KCNJ3: variants seen among roughly 807,000 people sequenced by gnomAD.
The protein encoded by KCNJ3 is potassium inwardly rectifying channel subfamily J member 3.
KCNJ3 carries 4 observed loss-of-function variants against 39.2 expected under a neutral mutation model. That is an observed-to-expected ratio of 0.10 (90% CI 0.05 to 0.23). KCNJ3 has a LOEUF of 0.23. KCNJ3 is among the 10% of genes least tolerant of loss of function. The pLI is 1.00. For missense variants in KCNJ3, 276 were observed against 634.9 expected (o/e 0.43, Z 6.08); for synonymous variants, 230 against 237.4 (o/e 0.97, Z 0.29).
chr2:154,826,423 C>G (rs541317190), intron 2 of KCNJ3, among the ~76,000 whole-genome samples: 1 of 152,104 alleles, frequency 6.6e-6, no homozygotes, highest in African/African-American at 2.4e-5. Flanking sequence ...TTTCCTGTTA[C>G]TTGTATAAAA....
intron 2 of KCNJ3, among the ~76,000 whole-genome samples, chr2:154,792,410 C>T (rs772360381): frequency 6.6e-6 from 1 of 152,110 alleles, no homozygotes; most frequent in Non-Finnish European, 1.5e-5. Context: ...GGAATCAGCA[C>T]TAACTGATTA....
At chr2:154,769,420 C>A (rs113478697) in intron 2 of KCNJ3, among the ~76,000 whole-genome samples, 15,352 of 152,100 alleles carry the variant, frequency 0.1, 842 homozygotes, top group East Asian at 0.19. Flanking sequence ...TTTTTGAAGG[C>A]CTTTTCTGCA....
At chr2:154,782,764 C>T (rs1427432282) in intron 2 of KCNJ3, among the ~76,000 whole-genome samples, 1 of 152,126 alleles carries the variant, frequency 6.6e-6, no homozygotes, top group African/African-American at 2.4e-5. Flanking sequence ...CTATCCCTAC[C>T]TTGTTTATTT....
At chr2:154,811,640 A>G (rs1369756915) in intron 2 of KCNJ3, among the ~76,000 whole-genome samples, 3 of 152,076 alleles carry the variant, frequency 2.0e-5, no homozygotes, top group South Asian at 2.1e-4. Flanking sequence ...GTTTGTCCCT[A>G]TCAATTCATG....
chr2:154,783,796 G>T (rs1249990478), intron 2 of KCNJ3, among the ~76,000 whole-genome samples: 1 of 152,036 alleles, frequency 6.6e-6, no homozygotes, highest in Non-Finnish European at 1.5e-5. Context: ...AAACTCAATG[G>T]CAACTGTTTC....
At chr2:154,848,079 TAAC>T (rs1687690672) in intron 2 of KCNJ3, among the ~76,000 whole-genome samples, 1 of 152,194 alleles carries the variant, frequency 6.6e-6, no homozygotes, top group Non-Finnish European at 1.5e-5. Flanking sequence ...ATTTACTTAA[TAAC>T]AACTCAAATA....
intron 2 of KCNJ3, among the ~76,000 whole-genome samples, chr2:154,848,741 C>A (rs1014858155): frequency 6.6e-6 from 1 of 152,116 alleles, no homozygotes; most frequent in Non-Finnish European, 1.5e-5. Context: ...AGGCAAAGCA[C>A]CATTCCAAAG....
intron 2 of KCNJ3, among the ~76,000 whole-genome samples, chr2:154,756,397 G>A (rs1177519488): frequency 6.6e-6 from 1 of 152,108 alleles, no homozygotes; most frequent in African/African-American, 2.4e-5. Context: ...GTAATTTAGT[G>A]AATATCAGAT....
intron 2 of KCNJ3, among the ~76,000 whole-genome samples, chr2:154,790,987 A>G (rs185101803): frequency 5.2e-4 from 79 of 152,192 alleles, no homozygotes; most frequent in Non-Finnish European, 1.0e-3. Context: ...CTTTCTTCTT[A>G]TCATCGCATT....
intron 2 of KCNJ3, among the ~76,000 whole-genome samples, chr2:154,729,760 TGAATAA>T (rs1229243418): frequency 1.3e-5 from 2 of 151,960 alleles, no homozygotes; most frequent in African/African-American, 4.8e-5. Context: ...AAAAACAGAG[TGAATAA>T]GAATAATGTT....
At chr2:154,840,572 G>A (rs1283954213) in intron 2 of KCNJ3, among the ~76,000 whole-genome samples, 1 of 152,176 alleles carries the variant, frequency 6.6e-6, no homozygotes, top group Non-Finnish European at 1.5e-5. Context: ...CCATGAGCAT[G>A]GAATATTCTT....
chr2:154,850,008 CTTTTTTTTTTTTTT>C (rs373062062), intron 2 of KCNJ3, among the ~76,000 whole-genome samples: 25 of 48,862 alleles, frequency 5.1e-4, no homozygotes, highest in South Asian at 3.2e-3. Flanking sequence ...CAGAATAAAT[CTTTTTTTTTTTTTT>C]TTTTTTTTTT....
At chr2:154,722,130 A>T (rs1574434777) in intron 2 of KCNJ3, among the ~76,000 whole-genome samples, 5 of 148,716 alleles carry the variant, frequency 3.4e-5, no homozygotes, top group Non-Finnish European at 7.5e-5. Context: ...AACTACAAAG[A>T]TTTTTTTTTT....
At chr2:154,725,124 C>G (rs1685331180) in intron 2 of KCNJ3, among the ~76,000 whole-genome samples, 1 of 151,168 alleles carries the variant, frequency 6.6e-6, no homozygotes, top group Admixed American at 6.6e-5. Context: ...ATAATATCAA[C>G]TCCAGCCTAT....
At chr2:154,724,307 C>T (rs1479230671) in intron 2 of KCNJ3, among the ~76,000 whole-genome samples, 2 of 151,868 alleles carry the variant, frequency 1.3e-5, no homozygotes, top group Admixed American at 1.3e-4. Flanking sequence ...TAAGGTTAAT[C>T]GAGGACCATT....
rs533392443 is a variant in KCNJ3 at position 154,724,001 on chromosome 2, C to T, written c.919+14182C>T. On this transcript the variant is annotated intron_variant, in intron 2 of 2. Transcript: ENST00000295101. ...ATCACCCAATTATACATTTGTATTT[C>T]GTAATTTAAAATTAAATTCTAGAGA... 7.2e-4 allele frequency among the ~76,000 whole-genome samples: 110 copies of T among 152,108 alleles called. 1 individual carries two copies. Among genetic ancestry groups the T allele is most frequent in the African/African-American group, 2.5e-3 (104 of 41,524 alleles).
At chr2:154,822,714 A>C (rs756704802) in intron 2 of KCNJ3, among the ~76,000 whole-genome samples, 2 of 152,026 alleles carry the variant, frequency 1.3e-5, no homozygotes. Context: ...AGATATTTTT[A>C]AATATATAAT....
chr2:154,768,898 T>C (rs1184778529), intron 2 of KCNJ3, among the ~76,000 whole-genome samples: 2 of 152,198 alleles, frequency 1.3e-5, no homozygotes, highest in Non-Finnish European at 2.9e-5. Context: ...GAAGAGGTCC[T>C]TCACGTCCCT....
intron 2 of KCNJ3, among the ~76,000 whole-genome samples, chr2:154,764,009 G>C (rs1007996465): frequency 6.6e-6 from 1 of 152,110 alleles, no homozygotes; most frequent in African/African-American, 2.4e-5. Flanking sequence ...TATAAATTAG[G>C]ATGTTGCTGA....
Sources: gnomAD v4.1 joint callset for allele counts (sites outside exome capture counted in the v4.1 genomes callset) on GRCh38, gnomAD v4.1.1 for gene constraint, MANE v1.5 for transcripts, NCBI Gene and HGNC (gene_info 2026-07-23, HGNC 2026-07-21) for gene names.